NEU4: variants seen among roughly 807,000 people sequenced by gnomAD.
The protein encoded by NEU4 is neuraminidase 4, also known as sialidase-4.
Under a neutral mutation model 9.9 loss-of-function variants are expected in NEU4, and 7 were observed. The ratio of observed to expected loss-of-function variants is 0.71; its 90% CI spans 0.40 to 1.33. The LOEUF (loss-of-function observed/expected upper bound fraction) is 1.33, where lower values mean the gene tolerates loss of function less well. NEU4 is among the 40% of genes most tolerant of loss of function. The pLI is 0.01. For synonymous variants in NEU4, 348 were observed against 316.9 expected (o/e 1.10, Z -1.04); for missense variants, 717 against 712.6 (o/e 1.01, Z -0.07).
chr2:241,812,601 G>GTGGA (rs1700166260), intron 1 of NEU4, among the ~76,000 whole-genome samples: 3 of 112,996 alleles, frequency 2.7e-5, no homozygotes, highest in Admixed American at 1.0e-4. Flanking sequence ...AAGACAGAGG[G>GTGGA]ACCTCCTGAG....
rs1474305583 is a variant in NEU4 at position 241,814,502 on chromosome 2, C to A, written c.18C>A (p.Thr6=). 1 of 1,611,162 alleles carries A rather than the reference C, an allele frequency of 6.2e-7. No individual in the cohort carries two copies. Among genetic ancestry groups the A allele is most frequent in the Admixed American group, 1.7e-5 (1 of 59,968 alleles). ...AGCAGAGCATGGGGGTCCCTCGTAC[C>A]CCTTCACGGACAGTGCTCTTCGAGC... MGVPR[T]PSRTVLFERE... is the part of the protein sequence containing the mutation. Residue 6 remains threonine, a synonymous_variant, in exon 2 of 4, where the codon ACC becomes ACA. Transcript: ENST00000407683.
In NEU4 at chr2:241,816,291, C is replaced by A. The variant is rs1460226042; in HGVS notation, c.698C>A (p.Ala233Asp). 4 of 1,576,072 alleles carry A rather than the reference C, an allele frequency of 2.5e-6. No homozygotes were observed. Among genetic ancestry groups the A allele is most frequent in the Non-Finnish European group, 1.7e-6 (2 of 1,162,422 alleles). The change falls in exon 4 of 4, where the codon GCC (alanine) becomes GAC (aspartate). Residue 233 changes from alanine to aspartate, a missense_variant. Ala to Asp is a moderately radical substitution (Grantham distance 126). Coordinates refer to ENST00000407683, the MANE Select transcript of NEU4 (RefSeq NM_001167600.3). Reference sequence around the variant, plus strand: ...CTGGCAGCGGTGGACGGTGGGCAGGCCGGCAGCTTCCTCTACTGCAATGCC... The same window carrying A: ...CTGGCAGCGGTGGACGGTGGGCAGGACGGCAGCTTCCTCTACTGCAATGCC... ...CQLAAVDGGQ[A>D]GSFLYCNARS...
rs781453905 is a variant in NEU4, at chr2:241,816,892, G to C, written c.1299G>C (p.Leu433=). 5 of 1,612,844 alleles carry C rather than the reference G, an allele frequency of 3.1e-6. No homozygotes were observed. In the Admixed American group the frequency reaches 8.3e-5, roughly 27 times the overall value. The change falls in exon 4 of 4, where the codon CTG becomes CTC. Residue 433 remains leucine (L), a synonymous_variant. Transcript: ENST00000407683. ...ASIGPAPEGG[L]VFACLYESGA... is the part of the protein sequence containing the mutation. ...TCGGGCCGGCCCCTGAGGGGGGCCT[G>C]GTTTTTGCCTGCCTGTACGAGAGCG... is the stretch of plus-strand genomic sequence containing the variant.
Position 241,816,963 on chromosome 2 carries a change from T to C in NEU4, c.1370T>C (p.Leu457Pro), listed in dbSNP as rs754578892. 31 of 1,612,424 alleles carry C rather than the reference T, an allele frequency of 1.9e-5. No individual in the cohort carries two copies. In the South Asian group the frequency reaches 3.3e-4, roughly 17 times the overall value. Residue 457 changes from leucine (L) to proline (P), a missense_variant, in exon 4 of 4, where the codon CTG becomes CCG. Physicochemically the swap from Leu to Pro is moderately conservative, Grantham distance 98 (BLOSUM62 -3). Transcript: ENST00000407683. ...GAGATTTCCTTTTGTACATTCTCCC[T>C]GCGTGAGGTCCTGGAGAACGTGCCC... Reference protein sequence around the residue: ...YDEISFCTFSLREVLENVPAS... With the variant: ...YDEISFCTFSPREVLENVPAS...
chr2:241,810,811 G>A (rs1428232466), intron 1 of NEU4: 8 of 396,748 alleles, frequency 2.0e-5, no homozygotes, highest in Non-Finnish European at 2.0e-5. Flanking sequence ...AGCGTGAATG[G>A]GACTGGCAGG....
intron 3 of NEU4, chr2:241,815,575 C>G (rs1243507876): frequency 9.8e-6 from 5 of 508,818 alleles, no homozygotes; most frequent in Non-Finnish European, 2.0e-5. Flanking sequence ...TCTCTCAGCT[C>G]CCAAACCAAC....
In NEU4 at chr2:241,814,464, C is replaced by A. The variant is rs754105419; in HGVS notation, c.-3-18C>A. The stretch of plus-strand genomic sequence containing the variant: ...CTGGGCCTGTCTTGCTGACCTGTGG[C>A]CCTGTACTGACCAGCAGAGCATGGG... On this transcript the variant is annotated intron_variant, in intron 1 of 3. Coordinates refer to ENST00000407683, the MANE Select transcript of NEU4 (RefSeq NM_001167600.3). The A allele has an allele frequency of 1.2e-6, 2 of 1,608,370 alleles. No homozygotes were observed. Among genetic ancestry groups the A allele is most frequent in the South Asian group, 1.1e-5 (1 of 90,656 alleles).
intron 3 of NEU4, chr2:241,815,499 C>T (rs1278203046): frequency 1.9e-6 from 1 of 523,416 alleles, no homozygotes; most frequent in Non-Finnish European, 3.8e-6. Context: ...TATGGCTGAC[C>T]CGACTCTCTC....
At chr2:241,811,359 C>T in intron 1 of NEU4, 1 of 1,461,002 alleles carries the variant, frequency 6.8e-7, no homozygotes, top group Non-Finnish European at 9.1e-7. Context: ...TGAGACGTGG[C>T]CAGCTCCCTG....
intron 3 of NEU4, 56 bp from the exon 4 acceptor site, chr2:241,815,994 AG>A: frequency 6.8e-7 from 1 of 1,480,422 alleles, no homozygotes; most frequent in South Asian, 1.3e-5. Flanking sequence ...GCCTTCCTCC[AG>A]CCCCCCGACC....
intron 3 of NEU4, chr2:241,815,421 GC>G (rs1700291942): frequency 1.7e-6 from 1 of 603,078 alleles, no homozygotes; most frequent in African/African-American, 1.9e-5. Flanking sequence ...GGACCGTCCT[GC>G]ACCTCCCGTC....
chr2:241,810,527 G>A (rs1700079732), intron 1 of NEU4: 1 of 152,406 alleles, frequency 6.6e-6, no homozygotes, highest in South Asian at 2.1e-4. Context: ...TCGCAGGGGA[G>A]GGAGGGACAG....
rs1273455107 is a variant in NEU4, at chr2:241,814,727, G to T, written c.201+42G>T. The T allele has an allele frequency of 2.0e-6, 3 of 1,519,128 alleles. No homozygotes were observed. In the South Asian group the frequency reaches 3.7e-5, roughly 19 times the overall value. The allele number at this position is 1,519,128 out of a possible 1,614,324, so 94.1% of individuals were successfully genotyped here. ...GGGCTCTGTGTGGGTGTAGTGGCCGGATCTGCTGGGGCTGCACACCCCGGG... is the reference window on the plus strand; with the variant it reads ...GGGCTCTGTGTGGGTGTAGTGGCCGTATCTGCTGGGGCTGCACACCCCGGG... On this transcript the variant is annotated intron_variant, in intron 2 of 3. Transcript: ENST00000407683.
chr2:241,815,523 T>G, intron 3 of NEU4: 2 of 489,948 alleles, frequency 4.1e-6, no homozygotes, highest in Non-Finnish European at 8.2e-6. Flanking sequence ...TCCCCCCCGC[T>G]AATCTCTTTA....
rs1407111297 is a variant in NEU4, at chr2:241,814,720, G to GT, written c.201+36dup. 5 of 1,525,490 alleles carry GT rather than the reference G, an allele frequency of 3.3e-6. 1 individual carries two copies. In the Admixed American group the frequency reaches 9.9e-5, roughly 30 times the overall value. The allele number at this position is 1,525,490 out of a possible 1,614,324, so 94.5% of individuals were successfully genotyped here. A position where few individuals can be genotyped will look rare whatever the true frequency, so the allele number is the denominator to read the frequency against. On this transcript the variant is annotated intron_variant, in intron 2 of 3. Transcript: ENST00000407683. Reference sequence around the variant, plus strand: ...TGGCCGGGGGCTCTGTGTGGGTGTAGTGGCCGGATCTGCTGGGGCTGCACA... The same window carrying GT: ...TGGCCGGGGGCTCTGTGTGGGTGTAGTTGGCCGGATCTGCTGGGGCTGCACA...
At chr2:241,813,487 G>A in intron 1 of NEU4, 1 of 1,179,862 alleles carries the variant, frequency 8.5e-7, no homozygotes, top group Non-Finnish European at 1.1e-6. Context: ...GTCTGCCTTT[G>A]TGCGATCAGA....
chr2:241,815,968 T>G, intron 3 of NEU4, 83 bp from the exon 4 acceptor site: 3 of 1,354,696 alleles, frequency 2.2e-6, no homozygotes, highest in Non-Finnish European at 3.0e-6. Context: ...CAGCCCCTCC[T>G]TCCCCGTCCC....
In NEU4 at chr2:241,817,321, C is replaced by T. The variant is rs968924879; in HGVS notation, c.*273C>T. On this transcript the variant is annotated 3_prime_UTR_variant, in exon 4 of 4. Transcript: ENST00000407683. ...CCTTCCGAGGCTGCAGGGCCAGGCG[C>T]GGGACCGCAGGTAGCCCAGGGTGTT... 2.2e-5 allele frequency: 10 copies of T among 458,756 alleles called. No individual in the cohort carries two copies. The highest frequency in any genetic ancestry group is 1.0e-4 in the East Asian group (3 of 29,994). The allele number at this position is 458,756 out of a possible 1,614,324, so 28.4% of individuals were successfully genotyped here.
chr2:241,815,933 G>A, intron 3 of NEU4, 118 bp from the exon 4 acceptor site: 1 of 1,014,786 alleles, frequency 9.9e-7, no homozygotes, highest in Non-Finnish European at 1.4e-6. Flanking sequence ...GGCGGTCAGA[G>A]TGCGATGGTC....
Sources: allele counts gnomAD v4.1 joint callset (sites outside exome capture counted in the v4.1 genomes callset), GRCh38; gene constraint gnomAD v4.1.1; transcripts MANE v1.5; gene names NCBI Gene and HGNC (gene_info 2026-07-23, HGNC 2026-07-21).